The following NFX1 variants were observed in gnomAD, a reference collection of about 807,000 sequenced individuals.
NFX1 encodes the protein transcriptional repressor NF-X1.
NFX1 carries 69 observed loss-of-function variants against 137.2 expected under a neutral mutation model. The observed-to-expected ratio is 0.50, with a 90% CI of 0.41 to 0.61. NFX1 has a LOEUF of 0.61. Among genes scored for constraint, NFX1 ranks in the 20% least tolerant of loss-of-function variants. The probability of loss-of-function intolerance (pLI) is 0.00; values close to 1 mark genes in which losing one functional copy is unlikely to be tolerated. For synonymous variants in NFX1, 495 were observed against 474.1 expected (o/e 1.04, Z -0.57); for missense variants, 1,167 against 1,391.0 (o/e 0.84, Z 2.56).
intron 7 of NFX1, among the ~76,000 whole-genome samples, chr9:33,315,733 A>C (rs143743524): frequency 0.01 from 1,547 of 151,714 alleles, 28 homozygotes; most frequent in African/African-American, 0.024. Context: ...ACAACAACAA[A>C]AAAAAAAAAT....
intron 16 of NFX1, 55 bp downstream of exon 16, chr9:33,351,845 G>A (rs773505331): frequency 8.3e-6 from 12 of 1,445,962 alleles, no homozygotes; most frequent in Non-Finnish European, 9.3e-6. Context: ...GGCTACTAGT[G>A]AATCCAGAAC....
chr9:33,352,263 T>C (rs1823663776), intron 16 of NFX1, among the ~76,000 whole-genome samples: 1 of 152,002 alleles, frequency 6.6e-6, no homozygotes, highest in Non-Finnish European at 1.5e-5. Flanking sequence ...AGCAGGTAAA[T>C]GGGAGGTTAA....
chr9:33,294,509 G>A lies in NFX1; in HGVS notation c.115G>A (p.Asp39Asn). 6.2e-7 allele frequency: 1 copy of A among 1,614,042 alleles called. No homozygotes were observed. The highest frequency in any genetic ancestry group is 8.5e-7 in the Non-Finnish European group (1 of 1,179,990). Residue 39 changes from aspartate (D) to asparagine (N), a missense_variant, in exon 2 of 24, where the codon GAC becomes AAC. Physicochemically the swap from Asp to Asn is conservative, Grantham distance 23. Around this residue, in one of 3 missense-constraint regions of NFX1, gnomAD observed 367 missense variants for 386.7 expected, o/e 0.95. Coordinates refer to ENST00000379540, the MANE Select transcript of NFX1 (RefSeq NM_002504.6). ...AAATTGTGGGACTCAAAGGAGACTA[G>A]ACTCTAATAGGATTGGTAGAAGAAA... ...GLNCGTQRRL[D>N]SNRIGRRNYS...
rs115328105 is a variant in NFX1, at chr9:33,333,347, C to T, written c.2035+845C>T. Among the ~76,000 whole-genome samples the T allele has an allele frequency of 7.2e-3, 1,095 of 152,284 alleles. 11 individuals carry two copies. Among genetic ancestry groups the T allele is most frequent in the African/African-American group, 0.025 (1,042 of 41,556 alleles). ...TTTACGATAAGGGTGTTTACTGCCA[C>T]ACCTGATAGGATATCTGGAGGCAGA... On this transcript the variant is annotated intron_variant, in intron 11 of 23. Transcript: ENST00000379540.
chr9:33,363,959 G>A, intron 19 of NFX1, 51 bp from the exon 20 acceptor site: 2 of 1,304,208 alleles, frequency 1.5e-6, no homozygotes, highest in Non-Finnish European at 1.1e-6. Flanking sequence ...GTTACTGCAA[G>A]ATAGTTTCCC....
At chr9:33,340,527 C>T (rs1421288623) in intron 12 of NFX1, among the ~76,000 whole-genome samples, 1 of 152,230 alleles carries the variant, frequency 6.6e-6, no homozygotes, top group Non-Finnish European at 1.5e-5. Context: ...ACATTTTCCC[C>T]ATTGTCTTGG....
intron 10 of NFX1, among the ~76,000 whole-genome samples, chr9:33,330,732 T>C (rs755531408): frequency 2.6e-5 from 4 of 152,202 alleles, no homozygotes; most frequent in Non-Finnish European, 5.9e-5. Context: ...TCACTCCCTC[T>C]AATAGTGGAC....
intron 14 of NFX1, among the ~76,000 whole-genome samples, chr9:33,344,857 T>G (rs58683091): frequency 0.049 from 6,966 of 141,616 alleles, 471 homozygotes; most frequent in African/African-American, 0.17. Context: ...AGACCAAGAC[T>G]CTGTCTCAAA....
chr9:33,303,015 T>C (rs982079708), intron 3 of NFX1, among the ~76,000 whole-genome samples, 176 bp from the exon 4 acceptor site: 1 of 151,036 alleles, frequency 6.6e-6, no homozygotes, highest in African/African-American at 2.4e-5. Flanking sequence ...TGGAAAATGC[T>C]GTATTCAAGC....
At chr9:33,300,065 A>AT (rs34826491) in intron 2 of NFX1, among the ~76,000 whole-genome samples, 1,564 of 100,286 alleles carry the variant, frequency 0.016, 140 homozygotes, top group African/African-American at 0.022. Flanking sequence ...ATGTTATAGC[A>AT]TTTTTTTTTT....
At chr9:33,315,707 C>G (rs1455173200) in intron 7 of NFX1, among the ~76,000 whole-genome samples, 2 of 143,592 alleles carry the variant, frequency 1.4e-5, no homozygotes, top group South Asian at 2.2e-4. Context: ...GGCAACATGG[C>G]GAAAACCAGT....
intron 11 of NFX1, among the ~76,000 whole-genome samples, chr9:33,335,072 G>A (rs1243224261): frequency 6.6e-6 from 1 of 152,062 alleles, no homozygotes; most frequent in Non-Finnish European, 1.5e-5. Flanking sequence ...AAATACTTCA[G>A]TGGTTAGCCC....
chr9:33,333,097 C>G (rs573875376), intron 11 of NFX1, among the ~76,000 whole-genome samples: 1 of 152,202 alleles, frequency 6.6e-6, no homozygotes, highest in Non-Finnish European at 1.5e-5. Context: ...CCACCCGCCT[C>G]GGCCTCCCAA....
At chr9:33,334,854 G>A (rs1322084477) in intron 11 of NFX1, among the ~76,000 whole-genome samples, 2 of 152,102 alleles carry the variant, frequency 1.3e-5, no homozygotes, top group Non-Finnish European at 2.9e-5. Context: ...AGCAGGAACC[G>A]TCCTGTCCCA....
chr9:33,343,109 C>T (rs1823288596), intron 13 of NFX1, among the ~76,000 whole-genome samples: 1 of 152,110 alleles, frequency 6.6e-6, no homozygotes, highest in African/African-American at 2.4e-5. Flanking sequence ...CTACATGCCT[C>T]ATATGTGTTA....
rs758398298 is a variant in NFX1 at position 33,295,337 on chromosome 9, T to G, written c.943T>G (p.Cys315Gly). ...TTCCAGGAGGGTTGACCAAGAGAAA[T>G]GCACTGTACGGAGGCAGGATCCTCA... ...KSSRRVDQEK[C>G]TVRRQDPQVV... is the part of the protein sequence containing the mutation. Residue 315 changes from cysteine to glycine, a missense_variant, in exon 2 of 24, where the codon TGC (cysteine) becomes GGC (glycine). By Grantham distance (159) the Cys-to-Gly change is radical. Around this residue, in one of 3 missense-constraint regions of NFX1, gnomAD observed 367 missense variants for 386.7 expected, o/e 0.95. Coordinates refer to ENST00000379540, the MANE Select transcript of NFX1 (RefSeq NM_002504.6). 6.2e-7 allele frequency: 1 copy of G among 1,614,082 alleles called. No individual in the cohort carries two copies. Among genetic ancestry groups the G allele is most frequent in the Non-Finnish European group, 8.5e-7 (1 of 1,180,008 alleles).
Position 33,352,660 on chromosome 9 carries a change from T to G in NFX1, c.2670T>G (p.Cys890Trp). ...TCTGACTTCAGGTAGAGCTACAGTG[T>G]GAATGTGGACGAAGAAAAGAGATGG... is the stretch of plus-strand genomic sequence containing the variant. ...TACKAKVELQ[C>W]ECGRRKEMVI... The change falls in exon 17 of 24, where the codon TGT (cysteine) becomes TGG (tryptophan). Residue 890 changes from cysteine (C) to tryptophan (W), a missense_variant. By Grantham distance (215) the Cys-to-Trp change is radical. Around this residue, in one of 3 missense-constraint regions of NFX1, gnomAD observed 312 missense variants for 312.8 expected, o/e 1.00. Transcript: ENST00000379540. 6.2e-7 allele frequency: 1 copy of G among 1,614,184 alleles called. No homozygotes were observed. The highest frequency in any genetic ancestry group is 8.5e-7 in the Non-Finnish European group (1 of 1,179,992).
chr9:33,318,701 A>G (rs775027341), intron 7 of NFX1, 30 bp from the exon 8 acceptor site: 7 of 1,586,768 alleles, frequency 4.4e-6, no homozygotes, highest in Non-Finnish European at 6.1e-6. Context: ...CATGTTACTA[A>G]CGTTTTGTTT....
intron 3 of NFX1, among the ~76,000 whole-genome samples, chr9:33,302,516 C>T (rs1821608513): frequency 6.6e-6 from 1 of 151,748 alleles, no homozygotes; most frequent in Non-Finnish European, 1.5e-5. Flanking sequence ...CACATGCCAC[C>T]ACATCCAGCT....
Sources: allele counts gnomAD v4.1 joint callset (sites outside exome capture counted in the v4.1 genomes callset), GRCh38; gene constraint gnomAD v4.1.1; regional missense constraint gnomAD v4.1.1; transcripts MANE v1.5; gene names NCBI Gene and HGNC (gene_info 2026-07-23, HGNC 2026-07-21).